HSDL1: variants seen among roughly 807,000 people sequenced by gnomAD.
The protein encoded by HSDL1 is hydroxysteroid dehydrogenase like 1, also known as inactive hydroxysteroid dehydrogenase-like protein 1.
A neutral mutation model predicts 31.5 loss-of-function variants in HSDL1; 29 were observed. The ratio of observed to expected loss-of-function variants is 0.92; its 90% confidence interval spans 0.69 to 1.26. The LOEUF is 1.26. Among genes scored for constraint, HSDL1 ranks in the 50% most tolerant of loss-of-function variants. The pLI is 0.00. For missense variants in HSDL1, 503 were observed against 416.6 expected, an observed-to-expected ratio of 1.21 and a Z score of -1.81; for synonymous variants, 222 against 155.2, an observed-to-expected ratio of 1.43 and a Z score of -3.20.
chr16:84,135,973 G>T (rs183256683), intron 1 of HSDL1, among the ~76,000 whole-genome samples: 5 of 152,244 alleles, frequency 3.3e-5, no homozygotes, highest in Non-Finnish European at 7.3e-5. Flanking sequence ...TCGGGGAAGA[G>T]AGCAGCCACA....
chr16:84,134,136 C>T (rs973873856), intron 2 of HSDL1, among the ~76,000 whole-genome samples: 3 of 152,048 alleles, frequency 2.0e-5, no homozygotes, highest in Non-Finnish European at 4.4e-5. Flanking sequence ...GTGTAGCGAA[C>T]GAGCATACCT....
chr16:84,128,689 A>G (rs1220042346), intron 5 of HSDL1, among the ~76,000 whole-genome samples: 1 of 151,028 alleles, frequency 6.6e-6, no homozygotes, highest in Non-Finnish European at 1.5e-5. Flanking sequence ...TAGTCCTAAC[A>G]TCCACTTACA....
At chr16:84,130,538 G>C (rs2086653558) in intron 3 of HSDL1, 107 bp from the exon 4 acceptor site, 10 of 899,752 alleles carry the variant, frequency 1.1e-5, no homozygotes, top group Non-Finnish European at 1.5e-5. Flanking sequence ...ATTCACACTA[G>C]AAATCAAGTC....
intron 5 of HSDL1, among the ~76,000 whole-genome samples, chr16:84,126,360 TA>T (rs2151184367): frequency 1.3e-5 from 2 of 152,194 alleles, no homozygotes; most frequent in African/African-American, 4.8e-5. Context: ...GCCTTTGTGC[TA>T]GCAGCAGACA....
chr16:84,125,426 A>T (rs2086596592), intron 5 of HSDL1, among the ~76,000 whole-genome samples: 1 of 148,510 alleles, frequency 6.7e-6, no homozygotes, highest in Admixed American at 6.8e-5. Flanking sequence ...CCACCAATCA[A>T]TCACAATAAA....
intron 3 of HSDL1, 194 bp downstream of exon 3, chr16:84,130,908 A>G (rs2086657787): frequency 1.7e-6 from 1 of 586,128 alleles, no homozygotes; most frequent in African/African-American, 1.9e-5. Context: ...TAGGAAGGAT[A>G]CCAATCATGA....
intron 1 of HSDL1, among the ~76,000 whole-genome samples, chr16:84,138,001 C>G (rs896010575): frequency 6.6e-6 from 1 of 152,198 alleles, no homozygotes; most frequent in Non-Finnish European, 1.5e-5. Flanking sequence ...AATCTTAACC[C>G]CCCAGGTGAT....
rs1435872987 is a variant in HSDL1, at chr16:84,144,773, C to CG, written c.-69+306_-69+307insC. ...CGGGGGAAGAGAGAGAACAGGGGTG[C>CG]AGCGCCGCGGCGGGGGGCGTGAGGA... On this transcript the variant is annotated intron_variant, in intron 1 of 5. Transcript: ENST00000219439. Among the ~76,000 whole-genome samples the CG allele has an allele frequency of 3.6e-5, 5 of 139,484 alleles. No individual in the cohort carries two copies. The East Asian group carries it at 8.2e-4, about 23-fold the overall frequency. The allele number at this position is 139,484 out of a possible 152,430, so 91.5% of individuals were successfully genotyped here. A position where few individuals can be genotyped will look rare whatever the true frequency, so the allele number is the denominator to read the frequency against.
chr16:84,127,811 C>T (rs1182599109), intron 5 of HSDL1, among the ~76,000 whole-genome samples: 1 of 148,358 alleles, frequency 6.7e-6, no homozygotes, highest in Non-Finnish European at 1.5e-5. Flanking sequence ...CTCTGCCTCC[C>T]GGGTTCACGC....
At chr16:84,128,124 A>G (rs2086627413) in intron 5 of HSDL1, among the ~76,000 whole-genome samples, 1 of 151,676 alleles carries the variant, frequency 6.6e-6, no homozygotes, top group Non-Finnish European at 1.5e-5. Flanking sequence ...CTCCATCTCT[A>G]CTAAAAACAC....
chr16:84,133,657 A>T (rs2086687849), intron 2 of HSDL1, among the ~76,000 whole-genome samples: 1 of 152,154 alleles, frequency 6.6e-6, no homozygotes, highest in African/African-American at 2.4e-5. Flanking sequence ...TGAACCCGGG[A>T]GGAGGAAGTT....
Position 84,136,046 on chromosome 16 carries a change from C to T in HSDL1, c.-68-441G>A, listed in dbSNP as rs1208300309. 3.3e-5 allele frequency among the ~76,000 whole-genome samples: 5 copies of T among 152,248 alleles called. No individual in the cohort carries two copies. In the South Asian group the frequency reaches 8.3e-4, roughly 25 times the overall value. ...GGGTTTCACCTGGGCCTCCCACTGC[C>T]TCACTCTGCACACCCCTTCTTCAGC... On this transcript the variant is annotated intron_variant, in intron 1 of 5. Coordinates refer to ENST00000219439, the MANE Select transcript of HSDL1 (RefSeq NM_031463.5).
At chr16:84,143,400 C>G (rs1318411965) in intron 1 of HSDL1, among the ~76,000 whole-genome samples, 1 of 152,042 alleles carries the variant, frequency 6.6e-6, no homozygotes, top group African/African-American at 2.4e-5. Context: ...CCAGCATAAG[C>G]AAATCCATAG....
chr16:84,128,655 C>T (rs2086632041), intron 5 of HSDL1, among the ~76,000 whole-genome samples: 3 of 151,994 alleles, frequency 2.0e-5, no homozygotes, highest in South Asian at 4.2e-4. Flanking sequence ...TTTGAAATTC[C>T]CATGTAAATA....
chr16:84,128,600 T>C (rs1043144446), intron 5 of HSDL1, among the ~76,000 whole-genome samples: 5 of 152,204 alleles, frequency 3.3e-5, no homozygotes, highest in African/African-American at 7.2e-5. Context: ...TTGGATTATA[T>C]TTTTCACTGA....
intron 1 of HSDL1, among the ~76,000 whole-genome samples, chr16:84,137,529 G>C (rs1014428945): frequency 6.6e-6 from 1 of 152,190 alleles, no homozygotes; most frequent in African/African-American, 2.4e-5. Context: ...GGGGGCTCCT[G>C]AGCCCTGGTT....
In HSDL1 at chr16:84,141,809, G is replaced by A. The variant is rs534042700; in HGVS notation, c.-69+3271C>T. Among the ~76,000 whole-genome samples the A allele has an allele frequency of 3.9e-5, 6 of 152,032 alleles. No homozygotes were observed. The East Asian group carries it at 5.8e-4, about 15-fold the overall frequency. On this transcript the variant is annotated intron_variant, in intron 1 of 5. Coordinates refer to ENST00000219439, the MANE Select transcript of HSDL1 (RefSeq NM_031463.5). Reference sequence around the variant, plus strand: ...GTGTTTTGTAATCTATGAAATGCCCGTTCCTATCTTTTGTCCTTTCCTTTT... The same window carrying A: ...GTGTTTTGTAATCTATGAAATGCCCATTCCTATCTTTTGTCCTTTCCTTTT...
chr16:84,131,057 A>G, intron 3 of HSDL1, 45 bp downstream of exon 3: 2 of 1,469,108 alleles, frequency 1.4e-6, no homozygotes, highest in Non-Finnish European at 1.9e-6. Flanking sequence ...TGAATAATGC[A>G]TCCGACTTCA....
intron 1 of HSDL1, among the ~76,000 whole-genome samples, chr16:84,138,912 T>G (rs1036909158): frequency 6.6e-6 from 1 of 152,150 alleles, no homozygotes; most frequent in Non-Finnish European, 1.5e-5. Context: ...ATGATCCCAC[T>G]CCACAGTGAA....
Sources: gnomAD v4.1 joint callset for allele counts (sites outside exome capture counted in the v4.1 genomes callset) on GRCh38, gnomAD v4.1.1 for gene constraint, MANE v1.5 for transcripts, NCBI Gene and HGNC (gene_info 2026-07-23, HGNC 2026-07-21) for gene names.